The following OSBPL3 variants were observed in gnomAD, a reference collection of about 807,000 sequenced individuals.
The protein encoded by OSBPL3 is oxysterol binding protein like 3.
A neutral mutation model predicts 120.1 loss-of-function variants in OSBPL3; 65 were observed. That is an observed-to-expected ratio of 0.54 (90% CI 0.44 to 0.67). The LOEUF is 0.67. Ranked by LOEUF, OSBPL3 falls within the 30% of genes least tolerant of loss-of-function variation. OSBPL3 has a pLI of 0.00. For synonymous variants in OSBPL3, 416 were observed against 402.6 expected (o/e 1.03, Z -0.40); for missense variants, 1,004 against 1,082.1 (o/e 0.93, Z 1.01).
rs114798502 is a variant in OSBPL3, at chr7:24,964,103, G to C, written c.-150+15783C>G. Among the ~76,000 whole-genome samples, 417 of 152,104 alleles carry C rather than the reference G, an allele frequency of 2.7e-3. 5 individuals are homozygous for C. Among genetic ancestry groups the C allele is most frequent in the African/African-American group, 8.8e-3 (363 of 41,470 alleles). On this transcript the variant is annotated intron_variant, in intron 1 of 22. Transcript: ENST00000313367. The surrounding 1 kb of genome is among the most constrained non-coding windows in gnomAD (Gnocchi z 4.2). ...TAATAAATATCAATGGATCCACACTGATTAAAAAAAACTGATTGAATAAAC... is the reference window on the plus strand; with the variant it reads ...TAATAAATATCAATGGATCCACACTCATTAAAAAAAACTGATTGAATAAAC...
chr7:24,945,880 C>T (rs564093104), intron 1 of OSBPL3, among the ~76,000 whole-genome samples: 1 of 152,292 alleles, frequency 6.6e-6, no homozygotes, highest in Admixed American at 6.5e-5. Context: ...TTTCTTAGTA[C>T]TTGTTCCAGT....
chr7:24,816,995 A>C (rs1209072517), intron 17 of OSBPL3, among the ~76,000 whole-genome samples: 1 of 152,176 alleles, frequency 6.6e-6, no homozygotes, highest in South Asian at 2.1e-4. Flanking sequence ...GAAACCTGAG[A>C]AGAAGGAGTG....
Position 24,820,177 on chromosome 7 carries a change from T to G in OSBPL3, c.1946A>C (p.Gln649Pro), listed in dbSNP as rs1356777965. The G allele has an allele frequency of 1.2e-6, 2 of 1,602,946 alleles. No homozygotes were observed. The highest frequency in any genetic ancestry group is 1.7e-6 in the Non-Finnish European group (2 of 1,170,692). Residue 649 changes from glutamine (Q) to proline (P), a missense_variant and splice_region_variant, in exon 17 of 23, where the codon CAA (glutamine) becomes CCA (proline). Gln to Pro is a moderately conservative substitution (Grantham distance 76). Coordinates refer to ENST00000313367, the MANE Select transcript of OSBPL3 (RefSeq NM_015550.4). This position sits in a 1 kb window ranked among gnomAD's most constrained non-coding sequence, Gnocchi z 4.6. ...AGTAAAATGTATTAGCACATTACCT[T>G]GCCAGAAAACAAAATTTCTAGACTC... ...HAESRNFVFW[Q>P]DVRWKNKFWG...
rs1584196633 is a variant in OSBPL3 at position 24,810,180 on chromosome 7, C to T, written c.2173-229G>A. 1.8e-5 allele frequency: 9 copies of T among 489,948 alleles called. No individual in the cohort carries two copies. In the South Asian group the frequency reaches 2.4e-4, roughly 13 times the overall value. 30.4% of individuals were successfully genotyped at this position (489,948 alleles called of 1,614,324 possible). A position where few individuals can be genotyped will look rare whatever the true frequency, so the allele number is the denominator to read the frequency against. Reference sequence around the variant, plus strand: ...TGTATACATTGTGGAATGGCTAAATCAAGCTGATTAACATATGTATTACCT... The same window carrying T: ...TGTATACATTGTGGAATGGCTAAATTAAGCTGATTAACATATGTATTACCT... On this transcript the variant is annotated intron_variant, in intron 19 of 22. Coordinates refer to ENST00000313367, the MANE Select transcript of OSBPL3 (RefSeq NM_015550.4).
intron 1 of OSBPL3, among the ~76,000 whole-genome samples, chr7:24,924,058 C>T (rs1314704044): frequency 6.6e-6 from 1 of 152,144 alleles, no homozygotes; most frequent in Admixed American, 6.5e-5. Context: ...ATATTGATAC[C>T]TTTGGACTCA....
In OSBPL3 at chr7:24,871,778, G is replaced by A. The variant is rs1370241667; in HGVS notation, c.231C>T (p.Asp77=). The A allele has an allele frequency of 1.9e-6, 3 of 1,612,626 alleles. No individual in the cohort carries two copies. The Admixed American group carries it at 5.0e-5, about 27-fold the overall frequency. The change falls in exon 4 of 23, where the codon GAC becomes GAT. Residue 77 remains aspartate (D), a synonymous_variant. Coordinates refer to ENST00000313367, the MANE Select transcript of OSBPL3 (RefSeq NM_015550.4). The surrounding 1 kb of genome is among the most constrained non-coding windows in gnomAD (Gnocchi z 4.8). ...TCTTGGCATATTTCAAGATTCCTTT[G>A]TCCAGATAGAAGAATCTCTGTGGGG... ...KGWHKRFFYL[D]KGILKYAKSQ...
intron 1 of OSBPL3, among the ~76,000 whole-genome samples, chr7:24,971,638 T>C (rs1239990984): frequency 1.3e-5 from 2 of 152,084 alleles, no homozygotes; most frequent in Admixed American, 6.5e-5. Context: ...CAAATGGAAA[T>C]CAGGAAGGGT....
chr7:24,804,492 A>G lies in OSBPL3; in HGVS notation c.2445-55T>C. On this transcript the variant is annotated intron_variant, in intron 21 of 22. Coordinates refer to ENST00000313367, the MANE Select transcript of OSBPL3 (RefSeq NM_015550.4). The surrounding 1 kb of genome is among the most constrained non-coding windows in gnomAD (Gnocchi z 5.4). ...GATATGAATTCAAGAAAACAAAACA[A>G]TCATTACTACTCAACTTGCATGTGT... The G allele has an allele frequency of 6.5e-7, 1 of 1,549,214 alleles. No individual in the cohort carries two copies. The highest frequency in any genetic ancestry group is 8.8e-7 in the Non-Finnish European group (1 of 1,132,112).
At chr7:24,832,361 T>A (rs986239929) in intron 15 of OSBPL3, among the ~76,000 whole-genome samples, 1 of 148,698 alleles carries the variant, frequency 6.7e-6, no homozygotes, top group African/African-American at 2.5e-5. Flanking sequence ...AATACAAAAA[T>A]TAGCCGGGTG....
intron 2 of OSBPL3, among the ~76,000 whole-genome samples, chr7:24,884,399 C>A (rs1028610408): frequency 6.6e-6 from 1 of 152,154 alleles, no homozygotes; most frequent in South Asian, 2.1e-4. Context: ...ACAGACCCCA[C>A]TGAGTTGTGC....
chr7:24,800,717 A>G (rs948702184), intron 22 of OSBPL3, among the ~76,000 whole-genome samples: 1 of 151,970 alleles, frequency 6.6e-6, no homozygotes, highest in African/African-American at 2.4e-5. Context: ...TCGGACTCCC[A>G]AAGTGCTGGG....
intron 1 of OSBPL3, among the ~76,000 whole-genome samples, chr7:24,910,908 T>C (rs1294765520): frequency 6.6e-6 from 1 of 152,178 alleles, no homozygotes; most frequent in Non-Finnish European, 1.5e-5. Context: ...AGGATCACCC[T>C]GGGAAGCTTC....
chr7:24,877,586 C>T lies in OSBPL3; in HGVS notation c.97-5517G>A, dbSNP rs948152285. On this transcript the variant is annotated intron_variant, in intron 2 of 22. Transcript: ENST00000313367. This position sits in a 1 kb window ranked among gnomAD's most constrained non-coding sequence, Gnocchi z 4.8. ...AATCCTACTACCTGGGAAATAGGGGCCGAAATAAATGTTTACTGAATGAGT... is the reference window on the plus strand; with the variant it reads ...AATCCTACTACCTGGGAAATAGGGGTCGAAATAAATGTTTACTGAATGAGT... Among the ~76,000 whole-genome samples, 2 of 151,996 alleles carry T rather than the reference C, an allele frequency of 1.3e-5. No individual in the cohort carries two copies. The highest frequency in any genetic ancestry group is 6.6e-5 in the Admixed American group (1 of 15,256).
chr7:24,804,437 C>A lies in OSBPL3; in HGVS notation c.2445G>T (p.Arg815Ser). ...CTTCTAAGTTCCCTTCCTCTAGAAA[C>A]CTGAGGCATCGAGGAAAAAAAAATG... Reference protein sequence around the residue: ...PTDTRFRPDQRFLEEGNLEEA... With the variant: ...PTDTRFRPDQSFLEEGNLEEA... The change falls in exon 22 of 23, where the codon AGG becomes AGT. Residue 815 changes from arginine to serine, a missense_variant and splice_region_variant. By Grantham distance (110) the Arg-to-Ser change is moderately radical. This residue lies in a region of OSBPL3 where 473 missense variants were observed against 568.0 expected (regional missense o/e 0.83). Coordinates refer to ENST00000313367, the MANE Select transcript of OSBPL3 (RefSeq NM_015550.4). The surrounding 1 kb of genome is among the most constrained non-coding windows in gnomAD (Gnocchi z 5.4). 6.2e-7 allele frequency: 1 copy of A among 1,612,828 alleles called. No individual in the cohort carries two copies. Among genetic ancestry groups the A allele is most frequent in the African/African-American group, 1.3e-5 (1 of 74,704 alleles).
At chr7:24,842,868 T>A (rs1313319309) in intron 12 of OSBPL3, among the ~76,000 whole-genome samples, 4 of 152,240 alleles carry the variant, frequency 2.6e-5, no homozygotes, top group African/African-American at 7.2e-5. Context: ...AACAATATGC[T>A]GCTTTTGAGG....
At position 24,799,917 on chromosome 7, in the gene OSBPL3, T is replaced by C. The variant is rs192462909; in HGVS notation, c.*266A>G. The stretch of plus-strand genomic sequence containing the variant: ...AAAGCTTCTTTTTTTAACCCACACA[T>C]GAACATTCAATCTTTCATTTTTATT... On this transcript the variant is annotated 3_prime_UTR_variant, in exon 23 of 23. Coordinates refer to ENST00000313367, the MANE Select transcript of OSBPL3 (RefSeq NM_015550.4). This position sits in a 1 kb window ranked among gnomAD's most constrained non-coding sequence, Gnocchi z 5.3. 60 of 179,372 alleles carry C rather than the reference T, an allele frequency of 3.3e-4. No homozygotes were observed. Among genetic ancestry groups the C allele is most frequent in the Non-Finnish European group, 6.9e-4 (59 of 85,982 alleles). The allele number at this position is 179,372 out of a possible 1,614,324, so 11.1% of individuals were successfully genotyped here.
Position 24,867,981 on chromosome 7 carries a change from T to C in OSBPL3, c.382-1744A>G, listed in dbSNP as rs933342013. On this transcript the variant is annotated intron_variant, in intron 5 of 22. Coordinates refer to ENST00000313367, the MANE Select transcript of OSBPL3 (RefSeq NM_015550.4). This position sits in a 1 kb window ranked among gnomAD's most constrained non-coding sequence, Gnocchi z 4.5. ...TGTTTATAAAAATATGTGATATATA[T>C]AAAAAGACTATAACAAGCACCTATA... Among the ~76,000 whole-genome samples the C allele has an allele frequency of 2.0e-5, 3 of 152,206 alleles. No homozygotes were observed. The highest frequency in any genetic ancestry group is 7.2e-5 in the African/African-American group (3 of 41,448).
rs555797689 is a variant in OSBPL3, at chr7:24,872,446, A to AGTGTGTGTGTGT, written c.97-378_97-377insACACACACACAC. Among the ~76,000 whole-genome samples the AGTGTGTGTGTGT allele has an allele frequency of 3.4e-4, 28 of 83,446 alleles. No individual in the cohort carries two copies. The highest frequency in any genetic ancestry group is 1.0e-3 in the African/African-American group (23 of 22,462). 54.7% of individuals were successfully genotyped at this position (83,446 alleles called of 152,430 possible). A position where few individuals can be genotyped will look rare whatever the true frequency, so the allele number is the denominator to read the frequency against. On this transcript the variant is annotated intron_variant, in intron 2 of 22. Transcript: ENST00000313367. The surrounding 1 kb of genome is among the most constrained non-coding windows in gnomAD (Gnocchi z 4.1). Reference sequence around the variant, plus strand: ...CTTCAGTCTGAATTTTAACCGAAAGAGAGTGTGTGTGTGTGTGTGTGTGTG... The same window carrying AGTGTGTGTGTGT: ...CTTCAGTCTGAATTTTAACCGAAAGAGTGTGTGTGTGTGAGTGTGTGTGTGTGTGTGTGTGTG...
At chr7:24,889,037 T>G (rs1804940031) in intron 2 of OSBPL3, among the ~76,000 whole-genome samples, 1 of 152,114 alleles carries the variant, frequency 6.6e-6, no homozygotes, top group Admixed American at 6.6e-5. Context: ...CCACCCTCAC[T>G]CCAAATATGG....
Sources: gnomAD v4.1 joint callset for allele counts (sites outside exome capture counted in the v4.1 genomes callset) on GRCh38, gnomAD v4.1.1 for gene constraint, gnomAD v4.1.1 regional missense constraint, Gnocchi (gnomAD v3.1) non-coding constraint, MANE v1.5 for transcripts, NCBI Gene and HGNC (gene_info 2026-07-23, HGNC 2026-07-21) for gene names.